CCDC178: variants seen among roughly 807,000 people sequenced by gnomAD.
CCDC178 encodes coiled-coil domain containing 178.
In CCDC178, 126 loss-of-function variants were observed where a neutral mutation model predicts 117.4. That is an observed-to-expected ratio of 1.07 (90% confidence interval 0.93 to 1.24). The LOEUF is 1.24. Ranked by LOEUF, CCDC178 falls within the 50% of genes most tolerant of loss-of-function variation. CCDC178 has a pLI of 0.00. For synonymous variants in CCDC178, 283 were observed against 313.4 expected (o/e 0.90, Z 1.02); for missense variants, 1,030 against 986.9 (o/e 1.04, Z -0.59).
At chr18:33,362,161 A>G (rs1402473372) in intron 6 of CCDC178, among the ~76,000 whole-genome samples, 2 of 125,560 alleles carry the variant, frequency 1.6e-5, no homozygotes, top group East Asian at 4.6e-4. Flanking sequence ...CTATATGTTT[A>G]TGTGTGTATG....
chr18:33,039,579 C>T (rs556110335), intron 21 of CCDC178, among the ~76,000 whole-genome samples: 8 of 151,828 alleles, frequency 5.3e-5, no homozygotes, highest in Non-Finnish European at 1.2e-4. Context: ...GAGGAGAAGG[C>T]CTATTCTGAA....
chr18:33,266,216 T>C (rs1033744153), intron 14 of CCDC178, among the ~76,000 whole-genome samples: 1 of 152,030 alleles, frequency 6.6e-6, no homozygotes, highest in African/African-American at 2.4e-5. Flanking sequence ...CTGTTCTAAG[T>C]AGCATAATGA....
At chr18:33,320,596 C>CACAA (rs1303971154) in intron 11 of CCDC178, among the ~76,000 whole-genome samples, 2 of 150,960 alleles carry the variant, frequency 1.3e-5, no homozygotes, top group Non-Finnish European at 3.0e-5. Flanking sequence ...TAAAAGAGGA[C>CACAA]ACAAATGGAA....
intron 20 of CCDC178, among the ~76,000 whole-genome samples, chr18:33,138,629 T>C (rs1168222983): frequency 6.6e-6 from 1 of 152,232 alleles, no homozygotes; most frequent in East Asian, 1.9e-4. Context: ...TTGCAAATTG[T>C]ATGTTAAGTG....
Position 33,281,130 on chromosome 18 carries a change from C to A in CCDC178, c.1176+12029G>T, listed in dbSNP as rs574492365. 1.8e-3 allele frequency among the ~76,000 whole-genome samples: 259 copies of A among 143,008 alleles called. 2 individuals carry two copies. The South Asian group carries it at 0.027, about 15-fold the overall frequency. The allele number at this position is 143,008 out of a possible 152,430, so 93.8% of individuals were successfully genotyped here. A position where few individuals can be genotyped will look rare whatever the true frequency, so the allele number is the denominator to read the frequency against. On this transcript the variant is annotated intron_variant, in intron 12 of 22. Coordinates refer to ENST00000383096, the MANE Select transcript of CCDC178 (RefSeq NM_001105528.4). ...TAATAATAATAAAGAAACACACACACAAAAAATAAATAAAATTAAAATGGA... is the reference window on the plus strand; with the variant it reads ...TAATAATAATAAAGAAACACACACAAAAAAAATAAATAAAATTAAAATGGA...
chr18:33,422,146 A>T (rs2064034827), intron 2 of CCDC178, among the ~76,000 whole-genome samples: 1 of 152,126 alleles, frequency 6.6e-6, no homozygotes, highest in South Asian at 2.1e-4. Flanking sequence ...ACCATTTTTA[A>T]ATTATTATCT....
chr18:33,148,000 C>T (rs1025005402), intron 20 of CCDC178, among the ~76,000 whole-genome samples: 38 of 151,842 alleles, frequency 2.5e-4, no homozygotes, highest in African/African-American at 8.5e-4. Flanking sequence ...GGCTGCCCCC[C>T]ACCTCCCTCC....
intron 20 of CCDC178, among the ~76,000 whole-genome samples, chr18:33,179,078 A>AAAAAATATATATATAT (rs71159804): frequency 3.6e-5 from 2 of 55,822 alleles, no homozygotes; most frequent in African/African-American, 1.1e-4. Context: ...AAAAAAAAAA[A>AAAAAATATATATATAT]ATATATATAT....
chr18:33,208,995 G>A (rs271541), intron 20 of CCDC178, among the ~76,000 whole-genome samples: 24,428 of 151,888 alleles, frequency 0.16, 2,739 homozygotes, highest in African/African-American at 0.32. Context: ...CACAGAGAAA[G>A]GAAATGACAT....
chr18:33,014,161 T>C (rs2055931887), intron 21 of CCDC178, among the ~76,000 whole-genome samples: 1 of 152,184 alleles, frequency 6.6e-6, no homozygotes, highest in African/African-American at 2.4e-5. Flanking sequence ...CCACAATAAC[T>C]GTGAGAACCA....
intron 16 of CCDC178, among the ~76,000 whole-genome samples, chr18:33,226,476 T>C (rs1347803181): frequency 2.6e-5 from 4 of 152,182 alleles, no homozygotes; most frequent in Non-Finnish European, 5.9e-5. Flanking sequence ...ACACTAACAG[T>C]AAAGAAAACA....
intron 20 of CCDC178, among the ~76,000 whole-genome samples, chr18:33,179,725 G>A (rs934353491): frequency 1.3e-5 from 2 of 151,894 alleles, no homozygotes; most frequent in Non-Finnish European, 2.9e-5. Context: ...TTGTAACTAA[G>A]TGCAGTGGAA....
chr18:33,146,396 T>A (rs2058268195), intron 20 of CCDC178, among the ~76,000 whole-genome samples: 1 of 152,188 alleles, frequency 6.6e-6, no homozygotes, highest in Admixed American at 6.5e-5. Flanking sequence ...TCCTTGCATA[T>A]TTTAAAACCT....
chr18:32,957,029 A>C (rs1034810106), intron 22 of CCDC178, among the ~76,000 whole-genome samples: 3 of 152,222 alleles, frequency 2.0e-5, no homozygotes, highest in African/African-American at 7.2e-5. Flanking sequence ...GATACAGTAA[A>C]GATAACATTT....
At chr18:33,406,867 G>A (rs1398678246) in intron 3 of CCDC178, among the ~76,000 whole-genome samples, 2 of 152,108 alleles carry the variant, frequency 1.3e-5, no homozygotes, top group Non-Finnish European at 2.9e-5. Flanking sequence ...ACTAATTGAC[G>A]TTTGTTAACT....
intron 21 of CCDC178, among the ~76,000 whole-genome samples, chr18:33,061,207 C>A (rs544591842): frequency 4.0e-4 from 61 of 151,950 alleles, no homozygotes; most frequent in Middle Eastern, 3.6e-3. Context: ...TAATTTTTAA[C>A]CCTAAACAAT....
At chr18:33,018,374 A>G (rs1177440427) in intron 21 of CCDC178, among the ~76,000 whole-genome samples, 1 of 152,090 alleles carries the variant, frequency 6.6e-6, no homozygotes, top group East Asian at 1.9e-4. Context: ...TCAAAATGTT[A>G]AACATATAGT....
chr18:33,110,267 A>T (rs1329562318), intron 20 of CCDC178, among the ~76,000 whole-genome samples: 1 of 151,444 alleles, frequency 6.6e-6, no homozygotes, highest in African/African-American at 2.4e-5. Context: ...GTTTTGTTAC[A>T]GTTTCTTTAT....
intron 22 of CCDC178, among the ~76,000 whole-genome samples, chr18:32,967,939 A>G (rs2054848857): frequency 6.6e-6 from 1 of 151,354 alleles, no homozygotes; most frequent in South Asian, 2.1e-4. Flanking sequence ...ATACCTGCAT[A>G]CACTATATAA....
Sources: gnomAD v4.1 joint callset for allele counts (sites outside exome capture counted in the v4.1 genomes callset) on GRCh38, gnomAD v4.1.1 for gene constraint, MANE v1.5 for transcripts, NCBI Gene and HGNC (gene_info 2026-07-23, HGNC 2026-07-21) for gene names.